Variants in F8 observed in about 807,000 individuals in gnomAD.
The protein encoded by F8 is coagulation factor VIII, also known as antihemophilic factor.
A neutral mutation model predicts 140.6 loss-of-function variants in F8; 12 were observed. The ratio of observed to expected loss-of-function variants is 0.09; its 90% CI spans 0.05 to 0.14. The LOEUF is 0.14. F8 is among the 10% of genes least tolerant of loss of function. The pLI, the probability that F8 is intolerant of heterozygous loss-of-function variation, is 1.00. For synonymous variants in F8, 585 were observed against 614.6 expected (o/e 0.95, Z 0.71); for missense variants, 1,354 against 1,720.7 (o/e 0.79, Z 3.77).
At chrX:154,971,967 A>T (rs1344695042) in intron 6 of F8, among the ~76,000 whole-genome samples, 3 of 112,523 alleles carry the variant, frequency 2.7e-5, no homozygotes, top group Non-Finnish European at 5.6e-5. Flanking sequence ...GACTATTGTG[A>T]ATAATGCTGT....
intron 9 of F8, among the ~76,000 whole-genome samples, chrX:154,964,137 G>A (rs952807443): frequency 1.8e-5 from 2 of 111,951 alleles, no homozygotes; most frequent in African/African-American, 3.3e-5. Flanking sequence ...TACTTCTGGA[G>A]GGGAGTATAC....
chrX:155,000,243 T>A (rs1557285488), intron 1 of F8, among the ~76,000 whole-genome samples: 1 of 112,203 alleles, frequency 8.9e-6, no homozygotes, highest in Non-Finnish European at 1.9e-5. Context: ...TGCATGACAG[T>A]TTAGCATGTC....
At chrX:154,965,226 T>C (rs1180189398) in intron 9 of F8, among the ~76,000 whole-genome samples, 4 of 111,796 alleles carry the variant, frequency 3.6e-5, no homozygotes, top group Non-Finnish European at 7.5e-5. Context: ...CATATACTTA[T>C]GGTAGGGGAT....
intron 22 of F8, 55 bp downstream of exon 22, chrX:154,896,022 C>T: frequency 8.8e-7 from 1 of 1,131,739 alleles, no homozygotes; most frequent in South Asian, 1.8e-5. Flanking sequence ...TATCTGAAAT[C>T]TGCCAAAATT....
intron 9 of F8, among the ~76,000 whole-genome samples, chrX:154,961,784 C>T (rs2073396604): frequency 9.0e-6 from 1 of 110,914 alleles, no homozygotes; most frequent in African/African-American, 3.3e-5. Context: ...ACATTCCCTC[C>T]CTCCCTAATC....
chrX:154,842,918 G>A (rs782388986), intron 25 of F8, among the ~76,000 whole-genome samples: 1 of 111,448 alleles, frequency 9.0e-6, no homozygotes. Context: ...TTTACATTAG[G>A]TATATCTCCT....
chrX:154,845,630 G>T (rs2072559539), intron 25 of F8, among the ~76,000 whole-genome samples: 1 of 111,955 alleles, frequency 8.9e-6, no homozygotes, highest in South Asian at 3.7e-4. Context: ...TGTGGGATTG[G>T]TGGTGATATC....
At chrX:154,923,863 T>G (rs113642816) in intron 14 of F8, among the ~76,000 whole-genome samples, 4,070 of 111,407 alleles carry the variant, frequency 0.037, 93 homozygotes, top group Non-Finnish European at 0.058. Context: ...TACCAGCTAC[T>G]TGGAAGGCTG....
chrX:154,962,778 A>G (rs2073402185), intron 9 of F8, among the ~76,000 whole-genome samples: 1 of 110,468 alleles, frequency 9.1e-6, no homozygotes, highest in Non-Finnish European at 1.9e-5. Context: ...AGGTGGGAGG[A>G]TCACTTCAGC....
intron 14 of F8, among the ~76,000 whole-genome samples, chrX:154,921,173 T>C (rs6643714): frequency 0.54 from 59,533 of 110,847 alleles, 13,912 homozygotes; most frequent in African/African-American, 0.91. Flanking sequence ...TCCCTTCTGG[T>C]CTACAATATT....
chrX:154,902,499 G>T (rs1017848146), intron 18 of F8, among the ~76,000 whole-genome samples: 1 of 111,786 alleles, frequency 8.9e-6, no homozygotes, highest in Admixed American at 9.5e-5. Context: ...GCCAGATGTG[G>T]ACTCTGTGAA....
At position 154,928,682 on chromosome X, in the gene F8, T is replaced by G. The variant is rs782656499; in HGVS notation, c.5108A>C (p.Glu1703Ala). Residue 1703 changes from glutamate (E) to alanine (A), a missense_variant, in exon 14 of 26, where the codon GAA (glutamate) becomes GCA (alanine). Physicochemically the swap from Glu to Ala is moderately radical, Grantham distance 107. Coordinates refer to ENST00000360256, the MANE Select transcript of F8 (RefSeq NM_000132.4). ...KEDFDIYDED[E>A]NQSPRSFQKK... ...TTGAAAGCTGCGGGGGCTCTGATTTTCATCCTCATCATAAATGTCAAAATC... is the reference window on the plus strand; with the variant it reads ...TTGAAAGCTGCGGGGGCTCTGATTTGCATCCTCATCATAAATGTCAAAATC... 4 of 1,209,807 alleles carry G rather than the reference T, an allele frequency of 3.3e-6. No individual in the cohort carries two copies. Among genetic ancestry groups the G allele is most frequent in the Non-Finnish European group, 4.5e-6 (4 of 894,743 alleles).
intron 1 of F8, among the ~76,000 whole-genome samples, chrX:155,017,437 C>T (rs1306550120): frequency 8.9e-6 from 1 of 111,970 alleles, no homozygotes; most frequent in East Asian, 2.8e-4. Flanking sequence ...ACAGGATATT[C>T]AATGTTGACC....
chrX:155,019,122 T>C (rs2073748318), intron 1 of F8, among the ~76,000 whole-genome samples: 1 of 111,924 alleles, frequency 8.9e-6, no homozygotes, highest in Admixed American at 9.5e-5. Context: ...CATCAGCATA[T>C]CAAAGAAGAC....
At chrX:154,908,564 C>G (rs1056644610) in intron 14 of F8, among the ~76,000 whole-genome samples, 10 of 112,272 alleles carry the variant, frequency 8.9e-5, no homozygotes, top group Non-Finnish European at 3.8e-5. Flanking sequence ...ATCATGTTTT[C>G]CAATTCATGT....
intron 9 of F8, among the ~76,000 whole-genome samples, chrX:154,964,180 G>A (rs1331703122): frequency 5.4e-5 from 6 of 111,678 alleles, no homozygotes; most frequent in Non-Finnish European, 9.4e-5. Context: ...GTCAGACTAT[G>A]GGGTTGGAAG....
intron 23 of F8, among the ~76,000 whole-genome samples, chrX:154,862,621 A>G (rs1261003595): frequency 9.0e-6 from 1 of 110,817 alleles, no homozygotes; most frequent in East Asian, 2.8e-4. Flanking sequence ...GCTCCCACTT[A>G]TGAGAACACA....
chrX:154,875,340 G>C (rs781962176), intron 22 of F8, among the ~76,000 whole-genome samples: 1 of 111,687 alleles, frequency 9.0e-6, no homozygotes, highest in Admixed American at 9.5e-5. Context: ...CTTGAAATTT[G>C]CTAAAAGAGT....
At chrX:154,973,101 A>G (rs2124114903) in intron 6 of F8, among the ~76,000 whole-genome samples, 1 of 112,006 alleles carries the variant, frequency 8.9e-6, no homozygotes, top group South Asian at 3.7e-4. Context: ...CCATTTATTG[A>G]AAAGACTGTT....
Sources: gnomAD v4.1 joint callset for allele counts (sites outside exome capture counted in the v4.1 genomes callset) on GRCh38, gnomAD v4.1.1 for gene constraint, MANE v1.5 for transcripts, NCBI Gene and HGNC (gene_info 2026-07-23, HGNC 2026-07-21) for gene names.